The following CNTN5 variants were observed in gnomAD, a reference collection of about 807,000 sequenced individuals.
CNTN5 encodes contactin 5, also known as contactin-5.
A neutral mutation model predicts 129.1 loss-of-function variants in CNTN5; 77 were observed. The ratio of observed to expected loss-of-function variants is 0.60; its 90% CI spans 0.50 to 0.72. The LOEUF is 0.72. CNTN5 is among the 30% of genes least tolerant of loss of function. The probability of loss-of-function intolerance (pLI) is 0.00; values close to 1 mark genes in which losing one functional copy is unlikely to be tolerated. For synonymous variants in CNTN5, 509 were observed against 465.6 expected, an observed-to-expected ratio of 1.09 and a Z score of -1.20; for missense variants, 1,478 against 1,328.8, an observed-to-expected ratio of 1.11 and a Z score of -1.75.
At chr11:99,860,214 TTGTC>T (rs990585647) in intron 6 of CNTN5, among the ~76,000 whole-genome samples, 116 of 152,212 alleles carry the variant, frequency 7.6e-4, no homozygotes, top group African/African-American at 2.5e-3. Context: ...TATTAGGCCT[TTGTC>T]TGAGGTGTAG....
At chr11:99,594,470 T>G (rs957241927) in intron 3 of CNTN5, among the ~76,000 whole-genome samples, 2 of 152,204 alleles carry the variant, frequency 1.3e-5, no homozygotes, top group Non-Finnish European at 2.9e-5. Context: ...ATTCATAGCA[T>G]GCAGTTGTTC....
At position 99,586,340 on chromosome 11, in the gene CNTN5, C is replaced by T. The variant is rs116469497; in HGVS notation, c.55+30071C>T. Among the ~76,000 whole-genome samples, 920 of 152,058 alleles carry T rather than the reference C, an allele frequency of 6.1e-3. 8 individuals are homozygous for T. Among genetic ancestry groups the T allele is most frequent in the African/African-American group, 0.02 (844 of 41,542 alleles). ...TAACTGACATAACTCAGCATAATAACGGACATAACTCAGCATAATGGCTAA... is the reference window on the plus strand; with the variant it reads ...TAACTGACATAACTCAGCATAATAATGGACATAACTCAGCATAATGGCTAA... On this transcript the variant is annotated intron_variant, in intron 3 of 24. Coordinates refer to ENST00000524871, the MANE Select transcript of CNTN5 (RefSeq NM_014361.4).
intron 2 of CNTN5, among the ~76,000 whole-genome samples, chr11:99,467,663 C>T (rs1944999387): frequency 1.3e-5 from 2 of 152,232 alleles, no homozygotes; most frequent in Middle Eastern, 3.4e-3. Flanking sequence ...ACTATCTTAA[C>T]TTTATGCTTT....
chr11:99,214,034 A>T (rs1424828436), intron 1 of CNTN5, among the ~76,000 whole-genome samples: 1 of 152,176 alleles, frequency 6.6e-6, no homozygotes, highest in Non-Finnish European at 1.5e-5. Context: ...AAATGCAGTT[A>T]CTGCTATTAG....
intron 3 of CNTN5, among the ~76,000 whole-genome samples, chr11:99,693,405 T>C (rs958023420): frequency 2.6e-5 from 4 of 151,986 alleles, no homozygotes; most frequent in Non-Finnish European, 5.9e-5. Flanking sequence ...TGATACATAG[T>C]ACAAAAGAAG....
At chr11:99,063,333 AGAG>A (rs2072836708) in intron 1 of CNTN5, among the ~76,000 whole-genome samples, 3 of 152,072 alleles carry the variant, frequency 2.0e-5, no homozygotes, top group Admixed American at 2.0e-4. Context: ...AGGATTTCAG[AGAG>A]GAGATTGAGG....
intron 10 of CNTN5, among the ~76,000 whole-genome samples, chr11:100,066,391 A>G (rs966952804): frequency 1.3e-5 from 2 of 152,152 alleles, no homozygotes; most frequent in Admixed American, 6.6e-5. Flanking sequence ...CTCAATACAT[A>G]AGAGTACAGA....
chr11:99,979,939 G>T (rs775712971), intron 8 of CNTN5, among the ~76,000 whole-genome samples: 1 of 152,138 alleles, frequency 6.6e-6, no homozygotes, highest in Non-Finnish European at 1.5e-5. Flanking sequence ...ACTTCCATGA[G>T]TCAAACCAAT....
chr11:100,163,535 A>AAGTC (rs1318881216), intron 13 of CNTN5, among the ~76,000 whole-genome samples: 1 of 151,856 alleles, frequency 6.6e-6, no homozygotes, highest in East Asian at 1.9e-4. Context: ...TATTTTCTGG[A>AAGTC]AGTCAATAAA....
At chr11:100,269,592 A>G (rs1950371401) in intron 17 of CNTN5, among the ~76,000 whole-genome samples, 1 of 152,116 alleles carries the variant, frequency 6.6e-6, no homozygotes, top group Non-Finnish European at 1.5e-5. Flanking sequence ...TTTAGTTTCT[A>G]TTGGAGTAAA....
chr11:99,328,135 GA>G (rs1176903837), intron 2 of CNTN5, among the ~76,000 whole-genome samples: 1 of 152,132 alleles, frequency 6.6e-6, no homozygotes, highest in South Asian at 2.1e-4. Context: ...CAATTACACA[GA>G]AATTTGAAGA....
chr11:100,094,989 T>C (rs1461925358), intron 13 of CNTN5, among the ~76,000 whole-genome samples: 3 of 152,134 alleles, frequency 2.0e-5, no homozygotes, highest in African/African-American at 7.2e-5. Flanking sequence ...CAAATATATT[T>C]AAAAATTACT....
chr11:99,840,316 T>C lies in CNTN5; in HGVS notation c.278-4536T>C, dbSNP rs1947444121. ...ACAGCATACAAGAGCTTGTTTTTGG[T>C]AAAAAATAAGGAACTTAGAAATGGA... is the stretch of plus-strand genomic sequence containing the variant. On this transcript the variant is annotated intron_variant, in intron 4 of 24. Transcript: ENST00000524871. Among the ~76,000 whole-genome samples the C allele has an allele frequency of 1.3e-5, 2 of 152,008 alleles. 1 individual carries two copies. The highest frequency in any genetic ancestry group is 4.1e-4 in the South Asian group (2 of 4,834).
At chr11:99,994,125 A>C in intron 8 of CNTN5, among the ~76,000 whole-genome samples, 1 of 151,834 alleles carries the variant, frequency 6.6e-6, no homozygotes, top group East Asian at 1.9e-4. Context: ...AAATACTATC[A>C]GAAGTACCCA....
At chr11:99,212,992 C>A (rs1859884040) in intron 1 of CNTN5, among the ~76,000 whole-genome samples, 1 of 151,672 alleles carries the variant, frequency 6.6e-6, no homozygotes, top group Non-Finnish European at 1.5e-5. Context: ...GAGATGGAGA[C>A]CATCCTGGCT....
At chr11:99,348,681 T>A (rs1272455596) in intron 2 of CNTN5, among the ~76,000 whole-genome samples, 1 of 152,234 alleles carries the variant, frequency 6.6e-6, no homozygotes, top group East Asian at 1.9e-4. Flanking sequence ...TTGGTTCAGA[T>A]AATCTTAAGT....
intron 3 of CNTN5, among the ~76,000 whole-genome samples, chr11:99,776,164 G>A (rs1026505810): frequency 2.6e-5 from 3 of 115,452 alleles, no homozygotes; most frequent in African/African-American, 9.4e-5. Flanking sequence ...AATGAGAAGA[G>A]GACCGTGACT....
rs1371795661 is a variant in CNTN5 at position 100,356,943 on chromosome 11, C to A, written c.*723C>A. On this transcript the variant is annotated 3_prime_UTR_variant, in exon 25 of 25. Transcript: ENST00000524871. The stretch of plus-strand genomic sequence containing the variant: ...CATAAAGTACTATGTTATCTAGCAG[C>A]AAATATAATAAATATTTATTTTTAA... The A allele has an allele frequency of 1.3e-5, 2 of 151,570 alleles. No individual in the cohort carries two copies. The highest frequency in any genetic ancestry group is 2.4e-5 in the African/African-American group (1 of 41,334). 9.4% of individuals were successfully genotyped at this position (151,570 alleles called of 1,614,324 possible). A position where few individuals can be genotyped will look rare whatever the true frequency, so the allele number is the denominator to read the frequency against.
At chr11:99,818,779 C>T (rs996273971) in intron 3 of CNTN5, among the ~76,000 whole-genome samples, 2 of 152,038 alleles carry the variant, frequency 1.3e-5, no homozygotes, top group African/African-American at 2.4e-5. Context: ...ACCTTTCTAA[C>T]CAAACACCTT....
Sources: allele counts gnomAD v4.1 joint callset (sites outside exome capture counted in the v4.1 genomes callset), GRCh38; gene constraint gnomAD v4.1.1; transcripts MANE v1.5; gene names NCBI Gene and HGNC (gene_info 2026-07-23, HGNC 2026-07-21).